Variants in FAM163A observed in about 807,000 individuals in gnomAD.
The protein encoded by FAM163A is family with sequence similarity 163 member A.
In FAM163A, 7 loss-of-function variants were observed where a neutral mutation model predicts 12.0. The observed-to-expected ratio is 0.58, with a 90% CI of 0.33 to 1.10. The LOEUF (loss-of-function observed/expected upper bound fraction) is 1.10. Ranked by LOEUF, FAM163A falls within the 50% of genes least tolerant of loss-of-function variation. The probability of loss-of-function intolerance (pLI) is 0.03; values close to 1 mark genes in which losing one functional copy is unlikely to be tolerated. For synonymous variants in FAM163A, 101 were observed against 91.0 expected, an observed-to-expected ratio of 1.11 and a Z score of -0.62; for missense variants, 202 against 218.6, an observed-to-expected ratio of 0.92 and a Z score of 0.48.
At position 179,807,786 on chromosome 1, in the gene FAM163A, C is replaced by T. The variant is rs1290938038; in HGVS notation, c.-135-12C>T. On this transcript the variant is annotated splice_polypyrimidine_tract_variant and intron_variant, in intron 1 of 4. Coordinates refer to ENST00000341785, the MANE Select transcript of FAM163A (RefSeq NM_173509.3). ...CCAGCTCTCATGAGCCTTTCCTTCT[C>T]TTCTCTGGCAGGGACTGATGCCCTT... 2 of 152,392 alleles carry T rather than the reference C, an allele frequency of 1.3e-5. No individual in the cohort carries two copies. Among genetic ancestry groups the T allele is most frequent in the Non-Finnish European group, 2.9e-5 (2 of 68,146 alleles). 9.4% of individuals were successfully genotyped at this position (152,392 alleles called of 1,614,324 possible).
chr1:179,742,684 T>A (rs1221915122), upstream of FAM163A: 1 of 152,194 alleles, frequency 6.6e-6, no homozygotes, highest in Non-Finnish European at 1.5e-5. Context: ...AAGAAGGTGA[T>A]TTCAGACAAG....
intron 1 of FAM163A, among the ~76,000 whole-genome samples, chr1:179,802,143 G>A (rs771634001): frequency 1.3e-5 from 2 of 152,224 alleles, no homozygotes; most frequent in Non-Finnish European, 2.9e-5. Flanking sequence ...ATTGGTCTGT[G>A]CAAGATCTGT....
At chr1:179,748,619 G>A (rs1320367211) in intron 1 of FAM163A, among the ~76,000 whole-genome samples, 1 of 152,196 alleles carries the variant, frequency 6.6e-6, no homozygotes, top group African/African-American at 2.4e-5. Flanking sequence ...GACTAAAGAA[G>A]CAAACACTAA....
chr1:179,810,479 C>T (rs947889980), intron 2 of FAM163A, among the ~76,000 whole-genome samples: 2 of 152,194 alleles, frequency 1.3e-5, no homozygotes, highest in African/African-American at 4.8e-5. Context: ...CTGTCCCAGC[C>T]TCGCCAGATC....
chr1:179,794,275 G>C (rs1691953025), intron 1 of FAM163A, among the ~76,000 whole-genome samples: 1 of 152,254 alleles, frequency 6.6e-6, no homozygotes. Flanking sequence ...TTGGGCAGCA[G>C]TTCTCACACT....
chr1:179,771,298 C>A (rs1283024080), intron 1 of FAM163A, among the ~76,000 whole-genome samples: 1 of 152,196 alleles, frequency 6.6e-6, no homozygotes, highest in Non-Finnish European at 1.5e-5. Flanking sequence ...CCCACAGAGT[C>A]CCACCCAGCA....
chr1:179,795,242 G>A (rs142202517), intron 1 of FAM163A, among the ~76,000 whole-genome samples: 4 of 152,330 alleles, frequency 2.6e-5, no homozygotes, highest in Non-Finnish European at 5.9e-5. Flanking sequence ...GAGGCAAAGT[G>A]GAGGTATCTT....
intron 1 of FAM163A, among the ~76,000 whole-genome samples, chr1:179,758,765 A>T (rs943971315): frequency 6.6e-6 from 1 of 152,162 alleles, no homozygotes; most frequent in East Asian, 1.9e-4. Context: ...TACTTCCTGG[A>T]GTTCCTTGAA....
chr1:179,743,128 C>G (rs539314534), upstream of FAM163A: 3 of 152,460 alleles, frequency 2.0e-5, no homozygotes, highest in East Asian at 5.8e-4. Flanking sequence ...GGAAGGCGCC[C>G]GTTGCGCTGT....
chr1:179,752,217 A>G (rs1023653520), intron 1 of FAM163A, among the ~76,000 whole-genome samples: 1 of 152,202 alleles, frequency 6.6e-6, no homozygotes, highest in South Asian at 2.1e-4. Flanking sequence ...CTCTTCAACA[A>G]ATAGTGTTAG....
chr1:179,815,749 C>T lies in FAM163A; in HGVS notation c.*1560C>T, dbSNP rs1001612396. 6.6e-6 allele frequency: 1 copy of T among 152,198 alleles called. No homozygotes were observed. The highest frequency in any genetic ancestry group is 2.4e-5 in the African/African-American group (1 of 41,412). 9.4% of individuals were successfully genotyped at this position (152,198 alleles called of 1,614,324 possible). A position where few individuals can be genotyped will look rare whatever the true frequency, so the allele number is the denominator to read the frequency against. The stretch of plus-strand genomic sequence containing the variant: ...GGTGGGGCAGGGAAAGGGCTGGCCC[C>T]CCTGCTGAAATCTTGATTCTGCATT... On this transcript the variant is annotated 3_prime_UTR_variant, in exon 5 of 5. Coordinates refer to ENST00000341785, the MANE Select transcript of FAM163A (RefSeq NM_173509.3).
chr1:179,795,306 C>T (rs1014016196), intron 1 of FAM163A, among the ~76,000 whole-genome samples: 13 of 152,324 alleles, frequency 8.5e-5, no homozygotes, highest in African/African-American at 3.1e-4. Flanking sequence ...TGCCAGTTTA[C>T]ACTCATCTGT....
upstream of FAM163A, among the ~76,000 whole-genome samples, chr1:179,739,225 G>T (rs1338906736): frequency 6.6e-6 from 1 of 152,010 alleles, no homozygotes; most frequent in African/African-American, 2.4e-5. Flanking sequence ...AAAAAAAATT[G>T]GAGAAAACCT....
chr1:179,793,882 T>G (rs16854717), intron 1 of FAM163A, among the ~76,000 whole-genome samples: 4,409 of 152,292 alleles, frequency 0.029, 235 homozygotes, highest in African/African-American at 0.1. Flanking sequence ...CTCTCTGACT[T>G]ACAGGTATTC....
chr1:179,765,499 A>G lies in FAM163A; in HGVS notation c.-136+22076A>G, dbSNP rs374691231. ...GCCCAGCTGAGGACCCTAAAATAGAATTAGTGCTGGGGACAGGGGTGGGAG... is the reference window on the plus strand; with the variant it reads ...GCCCAGCTGAGGACCCTAAAATAGAGTTAGTGCTGGGGACAGGGGTGGGAG... On this transcript the variant is annotated intron_variant, in intron 1 of 4. Coordinates refer to ENST00000341785, the MANE Select transcript of FAM163A (RefSeq NM_173509.3). Among the ~76,000 whole-genome samples the G allele has an allele frequency of 2.4e-4, 37 of 152,244 alleles. No individual in the cohort carries two copies. In the South Asian group the frequency reaches 6.8e-3, roughly 28 times the overall value.
the FAM163A span, among the ~76,000 whole-genome samples, chr1:179,733,660 CTG>C: frequency 2.6e-5 from 4 of 152,160 alleles, no homozygotes; most frequent in East Asian, 5.8e-4. Context: ...ACTCAAATTT[CTG>C]TCTCTGTGCT....
chr1:179,746,169 AATTGGTAC>A (rs1408661633), intron 1 of FAM163A, among the ~76,000 whole-genome samples: 1 of 152,248 alleles, frequency 6.6e-6, no homozygotes, highest in Non-Finnish European at 1.5e-5. Flanking sequence ...TGGGAGAGTA[AATTGGTAC>A]AACTTTGGAG....
chr1:179,807,575 A>C (rs1430081742), intron 1 of FAM163A, among the ~76,000 whole-genome samples: 1 of 152,214 alleles, frequency 6.6e-6, no homozygotes, highest in African/African-American at 2.4e-5. Context: ...CACAGAGGGA[A>C]GGAGACAAAG....
chr1:179,748,391 C>A (rs1684809503), intron 1 of FAM163A, among the ~76,000 whole-genome samples: 1 of 152,052 alleles, frequency 6.6e-6, no homozygotes, highest in Non-Finnish European at 1.5e-5. Context: ...AGTCAGGGAG[C>A]CCTATTAGTT....
Sources: gnomAD v4.1 joint callset for allele counts (sites outside exome capture counted in the v4.1 genomes callset) on GRCh38, gnomAD v4.1.1 for gene constraint, MANE v1.5 for transcripts, NCBI Gene and HGNC (gene_info 2026-07-23, HGNC 2026-07-21) for gene names.